The following RDH13 variants were observed in gnomAD, a reference collection of about 807,000 sequenced individuals.
RDH13 encodes retinol dehydrogenase 13 (all-trans and 9-cis).
RDH13 carries 35 observed loss-of-function variants against 28.3 expected under a neutral mutation model. The observed-to-expected ratio is 1.24, with a 90% confidence interval of 0.95 to 1.64. The LOEUF (loss-of-function observed/expected upper bound fraction) is 1.64, where lower values mean the gene tolerates loss of function less well. Among genes scored for constraint, RDH13 ranks in the 40% most tolerant of loss-of-function variants. The pLI is 0.00. For missense variants in RDH13, 514 were observed against 446.3 expected (o/e 1.15, Z -1.37); for synonymous variants, 229 against 198.5 (o/e 1.15, Z -1.29).
At chr19:55,042,121 G>A (rs2075048219), downstream of RDH13, 1 of 122,614 alleles carries the variant, frequency 8.2e-6, no homozygotes. Context: ...ATAGGTTCCT[G>A]TTTGGGGTTT....
chr19:55,057,851 G>A lies in RDH13; in HGVS notation c.185-1043C>T, dbSNP rs139692767. 5.0e-3 allele frequency among the ~76,000 whole-genome samples: 744 copies of A among 147,884 alleles called. 4 individuals carry two copies. The highest frequency in any genetic ancestry group is 8.7e-3 in the Admixed American group (128 of 14,682). ...TGAGTCAGTCTCACTCTGCTGCCGC[G>A]GCTGGAGTGCTGGCGCCATCACAGC... On this transcript the variant is annotated intron_variant, in intron 2 of 6. Transcript: ENST00000415061.
At chr19:55,047,314 G>A in intron 6 of RDH13, 73 bp downstream of exon 6, 3 of 1,561,110 alleles carry the variant, frequency 1.9e-6, no homozygotes, top group Admixed American at 1.9e-5. Flanking sequence ...CTGAGGGAGG[G>A]TCCTGGGCCC....
chr19:55,043,692 A>G (rs1431731858), downstream of RDH13, among the ~76,000 whole-genome samples: 1 of 152,096 alleles, frequency 6.6e-6, no homozygotes. Context: ...TGGGATATTG[A>G]GTAGCATCCC....
chr19:55,052,424 A>T lies in RDH13; in HGVS notation c.341-3661T>A, dbSNP rs1002657560. Among the ~76,000 whole-genome samples the T allele has an allele frequency of 2.1e-4, 32 of 151,532 alleles. No homozygotes were observed. The East Asian group carries it at 4.6e-3, about 22-fold the overall frequency. On this transcript the variant is annotated intron_variant, in intron 3 of 6. Coordinates refer to ENST00000415061, the MANE Select transcript of RDH13 (RefSeq NM_001145971.2). Reference sequence around the variant, plus strand: ...CCGGGCGTGGTGGCGCATGCCTGTAATCCCAGCTACTCGGGAGGCTGAGGC... The same window carrying T: ...CCGGGCGTGGTGGCGCATGCCTGTATTCCCAGCTACTCGGGAGGCTGAGGC...
At chr19:55,051,656 T>C (rs1449403173) in intron 3 of RDH13, among the ~76,000 whole-genome samples, 1 of 151,864 alleles carries the variant, frequency 6.6e-6, no homozygotes, top group African/African-American at 2.4e-5. Flanking sequence ...TCTTGAATTC[T>C]TCACCTCGTG....
chr19:55,063,353 T>G, upstream of RDH13: 1 of 340,380 alleles, frequency 2.9e-6, no homozygotes, highest in Non-Finnish European at 5.3e-6. Context: ...TGCCGCAGCG[T>G]ATAAGGCGCT....
At chr19:55,062,715 CAAAAT>C (rs1411827511) in intron 1 of RDH13, among the ~76,000 whole-genome samples, 1 of 151,754 alleles carries the variant, frequency 6.6e-6, no homozygotes, top group Non-Finnish European at 1.5e-5. Context: ...TACAAAACAA[CAAAAT>C]AAAGAGTTTA....
intron 5 of RDH13, chr19:55,048,106 A>C: frequency 1.3e-6 from 2 of 1,523,960 alleles, no homozygotes; most frequent in Non-Finnish European, 1.8e-6. Flanking sequence ...CATCTGATCC[A>C]GGCAGACTAG....
intron 2 of RDH13, among the ~76,000 whole-genome samples, chr19:55,058,862 G>A (rs948751849): frequency 5.9e-5 from 9 of 152,130 alleles, no homozygotes; most frequent in African/African-American, 2.2e-4. Flanking sequence ...TGTATTTTTA[G>A]TAGAGAGGGG....
chr19:55,055,750 G>T (rs983573602), intron 3 of RDH13, among the ~76,000 whole-genome samples: 20 of 152,078 alleles, frequency 1.3e-4, no homozygotes, highest in Non-Finnish European at 2.5e-4. Context: ...CTACTTGGGA[G>T]GCTGAAGTGG....
At position 55,057,435 on chromosome 19, in the gene RDH13, C is replaced by T. The variant is rs867963950; in HGVS notation, c.185-627G>A. 4.1e-3 allele frequency among the ~76,000 whole-genome samples: 562 copies of T among 136,948 alleles called. 7 individuals are homozygous for T. Among genetic ancestry groups the T allele is most frequent in the African/African-American group, 0.014 (528 of 36,898 alleles). The allele number at this position is 136,948 out of a possible 152,430, so 89.8% of individuals were successfully genotyped here. ...AGGCAAGAGGATTCCCCATCCTCTCCTTTTTTTTTTTTTTTTAGATGGAGT... is the reference window on the plus strand; with the variant it reads ...AGGCAAGAGGATTCCCCATCCTCTCTTTTTTTTTTTTTTTTTAGATGGAGT... On this transcript the variant is annotated intron_variant, in intron 2 of 6. Transcript: ENST00000415061.
intron 3 of RDH13, among the ~76,000 whole-genome samples, chr19:55,052,665 TTTTA>T (rs200137222): frequency 0.071 from 10,691 of 151,270 alleles, 460 homozygotes; most frequent in Non-Finnish European, 0.1. Context: ...CCTCATTGTT[TTTTA>T]TTTTTTTTTT....
upstream of RDH13, chr19:55,067,285 G>A (rs976806940): frequency 4.6e-5 from 7 of 152,326 alleles, no homozygotes; most frequent in African/African-American, 1.7e-4. Context: ...TCCCAGTTAA[G>A]ATGGAGGGGA....
chr19:55,044,984 G>T lies in RDH13; in HGVS notation c.*90C>A. On this transcript the variant is annotated 3_prime_UTR_variant, in exon 7 of 7. Coordinates refer to ENST00000415061, the MANE Select transcript of RDH13 (RefSeq NM_001145971.2). ...GGCGGCCGCCAGTCCTGGGTCTCCC[G>T]GCTCAGGTAGTGCCAGGAAGCTGCG... is the stretch of plus-strand genomic sequence containing the variant. The T allele has an allele frequency of 9.9e-7, 1 of 1,009,908 alleles. No individual in the cohort carries two copies. The highest frequency in any genetic ancestry group is 1.5e-6 in the Non-Finnish European group (1 of 685,908). The allele number at this position is 1,009,908 out of a possible 1,614,324, so 62.6% of individuals were successfully genotyped here. A position where few individuals can be genotyped will look rare whatever the true frequency, so the allele number is the denominator to read the frequency against.
intron 3 of RDH13, among the ~76,000 whole-genome samples, chr19:55,052,151 GCT>G (rs2075465039): frequency 6.7e-6 from 1 of 149,400 alleles, no homozygotes. Flanking sequence ...GGGCGTGGTG[GCT>G]CACATCTGTA....
At chr19:55,064,707 G>C (rs146901432), upstream of RDH13, among the ~76,000 whole-genome samples, 1,504 of 149,570 alleles carry the variant, frequency 0.01, 32 homozygotes, top group African/African-American at 0.035. Flanking sequence ...CTGCCTCCTA[G>C]GTTCAAGCGA....
chr19:55,045,352 GAGAA>G, intron 6 of RDH13, 43 bp from the exon 7 acceptor site: 1 of 1,497,972 alleles, frequency 6.7e-7, no homozygotes, highest in Non-Finnish European at 9.1e-7. Flanking sequence ...CTCGCTCAGA[GAGAA>G]GGAAGGAAGC....
chr19:55,047,215 GCAGGC>G, intron 6 of RDH13, 167 bp downstream of exon 6: 1 of 1,408,698 alleles, frequency 7.1e-7, no homozygotes, highest in South Asian at 1.6e-5. Flanking sequence ...TTAGAGGCTG[GCAGGC>G]CAGGTCAACG....
chr19:55,062,916 C>A, intron 1 of RDH13, 52 bp downstream of exon 1: 1 of 1,379,686 alleles, frequency 7.2e-7, no homozygotes, highest in South Asian at 1.6e-5. Flanking sequence ...CTTCCCGGCC[C>A]CTGCGCTGGG....
Sources: gnomAD v4.1 joint callset for allele counts (sites outside exome capture counted in the v4.1 genomes callset) on GRCh38, gnomAD v4.1.1 for gene constraint, MANE v1.5 for transcripts, NCBI Gene and HGNC (gene_info 2026-07-23, HGNC 2026-07-21) for gene names.